The following TBC1D5 variants were observed in gnomAD, a reference collection of about 807,000 sequenced individuals.
TBC1D5 encodes the protein TBC1 domain family, member 5.
TBC1D5 carries 75 observed loss-of-function variants against 100.3 expected under a neutral mutation model. That is an observed-to-expected ratio of 0.75 (90% CI 0.62 to 0.91). TBC1D5 has a LOEUF of 0.91. Ranked by LOEUF, TBC1D5 falls within the 40% of genes least tolerant of loss-of-function variation. The probability of loss-of-function intolerance (pLI) is 0.00; values close to 1 mark genes in which losing one functional copy is unlikely to be tolerated. For missense variants in TBC1D5, 910 were observed against 942.4 expected (o/e 0.97, Z 0.45); for synonymous variants, 323 against 325.6 (o/e 0.99, Z 0.09).
intron 3 of TBC1D5, among the ~76,000 whole-genome samples, chr3:17,473,342 AC>A (rs1157266414): frequency 2.6e-5 from 4 of 152,218 alleles, no homozygotes; most frequent in Admixed American, 6.5e-5. Context: ...CATGTCCCTA[AC>A]ATACCATTTT....
At chr3:17,341,741 G>T (rs2088975793) in intron 13 of TBC1D5, among the ~76,000 whole-genome samples, 1 of 152,100 alleles carries the variant, frequency 6.6e-6, no homozygotes, top group Admixed American at 6.6e-5. Flanking sequence ...TACATTAATA[G>T]AACATTAAAA....
chr3:17,558,266 T>C (rs117412096), intron 2 of TBC1D5, among the ~76,000 whole-genome samples: 2,522 of 152,276 alleles, frequency 0.017, 52 homozygotes, highest in South Asian at 0.048. Flanking sequence ...TGTGACTTTA[T>C]GTAAATAAGG....
intron 3 of TBC1D5, among the ~76,000 whole-genome samples, chr3:17,446,082 G>A (rs1365259875): frequency 2.6e-5 from 4 of 152,186 alleles, no homozygotes; most frequent in African/African-American, 4.8e-5. Flanking sequence ...AATGGCTGAT[G>A]TTCTCCTCTG....
chr3:17,716,860 G>A (rs1009673971), intron 1 of TBC1D5, among the ~76,000 whole-genome samples: 3 of 152,068 alleles, frequency 2.0e-5, no homozygotes, highest in African/African-American at 2.4e-5. Flanking sequence ...ATTAATCTGA[G>A]TGTTTGTTCT....
At chr3:17,386,850 G>C (rs918344483) in intron 8 of TBC1D5, among the ~76,000 whole-genome samples, 2 of 152,012 alleles carry the variant, frequency 1.3e-5, no homozygotes, top group African/African-American at 4.8e-5. Context: ...TCAATTCCTG[G>C]TTTCATTTAA....
intron 2 of TBC1D5, among the ~76,000 whole-genome samples, chr3:17,572,763 T>C (rs2096635419): frequency 6.6e-6 from 1 of 152,074 alleles, no homozygotes; most frequent in African/African-American, 2.4e-5. Context: ...TGTTGTTGTC[T>C]CCAGCTCTGC....
chr3:17,570,290 A>G (rs2096619131), intron 2 of TBC1D5, among the ~76,000 whole-genome samples: 1 of 152,010 alleles, frequency 6.6e-6, no homozygotes, highest in Non-Finnish European at 1.5e-5. Context: ...AATGCCTATC[A>G]TTTCCCAGCA....
intron 1 of TBC1D5, among the ~76,000 whole-genome samples, chr3:17,734,963 T>C (rs897652803): frequency 6.6e-6 from 1 of 151,738 alleles, no homozygotes; most frequent in East Asian, 1.9e-4. Flanking sequence ...CATGGTGGCA[T>C]GTGCCTGTGG....
At chr3:17,439,069 A>AT (rs1462366387) in intron 3 of TBC1D5, among the ~76,000 whole-genome samples, 3 of 152,190 alleles carry the variant, frequency 2.0e-5, no homozygotes, top group Non-Finnish European at 4.4e-5. Context: ...CTTCAGTGCA[A>AT]TAAAAAGGAA....
intron 18 of TBC1D5, among the ~76,000 whole-genome samples, chr3:17,201,346 GTC>G (rs936874892): frequency 6.6e-6 from 1 of 152,168 alleles, no homozygotes. Flanking sequence ...ACCCTGGGTT[GTC>G]TCTTTCTCCC....
At chr3:17,534,721 T>C (rs2096266593) in intron 2 of TBC1D5, among the ~76,000 whole-genome samples, 1 of 152,206 alleles carries the variant, frequency 6.6e-6, no homozygotes, top group Non-Finnish European at 1.5e-5. Flanking sequence ...AATCATTCTA[T>C]TTCCCATGTA....
intron 2 of TBC1D5, among the ~76,000 whole-genome samples, chr3:17,526,353 GA>G (rs1443384865): frequency 1.1e-4 from 17 of 152,066 alleles, no homozygotes; most frequent in Non-Finnish European, 1.9e-4. Flanking sequence ...AAGTAGCTGG[GA>G]CTACAGATGA....
At chr3:17,162,468 C>CCAT (rs1324151347) in intron 21 of TBC1D5, among the ~76,000 whole-genome samples, 14 of 152,230 alleles carry the variant, frequency 9.2e-5, no homozygotes, top group Non-Finnish European at 1.6e-4. Context: ...CAGGAACCTT[C>CCAT]CATCTCTGAT....
At chr3:17,449,797 G>T (rs1316374000) in intron 3 of TBC1D5, among the ~76,000 whole-genome samples, 4 of 152,182 alleles carry the variant, frequency 2.6e-5, no homozygotes, top group Non-Finnish European at 5.9e-5. Context: ...GGGCGGCTGT[G>T]GGAGCAGCTT....
intron 15 of TBC1D5, among the ~76,000 whole-genome samples, chr3:17,262,654 T>G (rs1187907659): frequency 6.6e-6 from 1 of 151,784 alleles, no homozygotes; most frequent in East Asian, 2.0e-4. Flanking sequence ...GCTAATTTTT[T>G]GTATTTTTAG....
chr3:17,659,708 T>C (rs185472293), intron 1 of TBC1D5, among the ~76,000 whole-genome samples: 13 of 152,158 alleles, frequency 8.5e-5, no homozygotes, highest in African/African-American at 3.1e-4. Flanking sequence ...GGACAGACAA[T>C]TCAAACCTCA....
chr3:17,280,337 C>T (rs1190247963), intron 15 of TBC1D5, among the ~76,000 whole-genome samples: 2 of 152,090 alleles, frequency 1.3e-5, no homozygotes, highest in Non-Finnish European at 2.9e-5. Context: ...GAGGGCAGGT[C>T]CCTGGTGAGG....
chr3:17,611,667 C>T (rs932650552), intron 2 of TBC1D5, among the ~76,000 whole-genome samples: 1 of 152,098 alleles, frequency 6.6e-6, no homozygotes, highest in African/African-American at 2.4e-5. Context: ...GTTTGGACAA[C>T]TGAGAAACCA....
chr3:17,521,939 A>C (rs989224833), intron 2 of TBC1D5, among the ~76,000 whole-genome samples: 1 of 152,142 alleles, frequency 6.6e-6, no homozygotes, highest in South Asian at 2.1e-4. Flanking sequence ...TGATGAGCTT[A>C]CTTGCTGATG....
Sources: allele counts gnomAD v4.1 joint callset (sites outside exome capture counted in the v4.1 genomes callset), GRCh38; gene constraint gnomAD v4.1.1; transcripts MANE v1.5; gene names NCBI Gene and HGNC (gene_info 2026-07-23, HGNC 2026-07-21).